DLG1: variants seen among roughly 807,000 people sequenced by gnomAD.
DLG1 encodes the protein discs large MAGUK scaffold protein 1.
A neutral mutation model predicts 123.4 loss-of-function variants in DLG1; 42 were observed. The observed-to-expected ratio is 0.34, with a 90% confidence interval of 0.27 to 0.44. The LOEUF (loss-of-function observed/expected upper bound fraction) is 0.44. Among genes scored for constraint, DLG1 ranks in the 20% least tolerant of loss-of-function variants. The probability of loss-of-function intolerance (pLI) is 1.00; values close to 1 mark genes in which losing one functional copy is unlikely to be tolerated. For synonymous variants in DLG1, 317 were observed against 356.2 expected, an observed-to-expected ratio of 0.89 and a Z score of 1.24; for missense variants, 942 against 1,082.6, an observed-to-expected ratio of 0.87 and a Z score of 1.82.
chr3:197,194,670 TACTC>T (rs1239233054), intron 4 of DLG1, 81 bp from the exon 5 acceptor site: 1 of 916,510 alleles, frequency 1.1e-6, no homozygotes, highest in Non-Finnish European at 1.6e-6. Context: ...ACTAGCCAAA[TACTC>T]AATATTTAGC....
chr3:197,099,228 G>C (rs1472455944), intron 14 of DLG1, among the ~76,000 whole-genome samples: 3 of 152,146 alleles, frequency 2.0e-5, no homozygotes, highest in Non-Finnish European at 4.4e-5. Flanking sequence ...ACTATGCCCA[G>C]CTCATTTTTA....
chr3:197,123,311 T>C (rs753470557), intron 11 of DLG1, among the ~76,000 whole-genome samples: 15 of 152,292 alleles, frequency 9.8e-5, no homozygotes, highest in South Asian at 6.2e-4. Context: ...AAAAGTACCA[T>C]TGTTTTGAGG....
chr3:197,101,602 A>G (rs1200173677), intron 14 of DLG1, among the ~76,000 whole-genome samples: 1 of 151,912 alleles, frequency 6.6e-6, no homozygotes, highest in African/African-American at 2.4e-5. Context: ...TGTTAGCCAG[A>G]ATGGTCTCTA....
At chr3:197,090,544 T>C (rs1757196015) in intron 15 of DLG1, among the ~76,000 whole-genome samples, 2 of 152,104 alleles carry the variant, frequency 1.3e-5, no homozygotes, top group Non-Finnish European at 2.9e-5. Flanking sequence ...GGTAATTAAA[T>C]GTTACTTGAA....
At chr3:197,163,010 G>A (rs1799437333) in intron 5 of DLG1, among the ~76,000 whole-genome samples, 1 of 152,124 alleles carries the variant, frequency 6.6e-6, no homozygotes, top group Non-Finnish European at 1.5e-5. Context: ...ACAACACAAA[G>A]AGAAACAACC....
At chr3:197,153,974 T>C (rs1033595917) in intron 5 of DLG1, among the ~76,000 whole-genome samples, 5 of 152,048 alleles carry the variant, frequency 3.3e-5, no homozygotes, top group African/African-American at 4.8e-5. Context: ...AAGTGGCTTA[T>C]TAAAAAAAAT....
intron 4 of DLG1, among the ~76,000 whole-genome samples, chr3:197,232,621 G>A (rs1278100666): frequency 6.6e-6 from 1 of 151,806 alleles, no homozygotes; most frequent in East Asian, 1.9e-4. Context: ...GAACTTGTTA[G>A]AAATGCATCC....
intron 4 of DLG1, among the ~76,000 whole-genome samples, chr3:197,206,614 CAA>C (rs1728650518): frequency 6.6e-6 from 1 of 151,994 alleles, no homozygotes; most frequent in South Asian, 2.1e-4. Flanking sequence ...TTCTATTCAC[CAA>C]AAAGTCAACC....
chr3:197,222,453 T>C (rs1004071044), intron 4 of DLG1, among the ~76,000 whole-genome samples: 1 of 152,224 alleles, frequency 6.6e-6, no homozygotes, highest in Admixed American at 6.5e-5. Flanking sequence ...ATTTATTATT[T>C]GCAAATATCT....
At chr3:197,297,991 G>C (rs1207049048) in intron 1 of DLG1, 3 of 928,970 alleles carry the variant, frequency 3.2e-6, no homozygotes, top group African/African-American at 3.6e-5. Flanking sequence ...CCTCCTTCTC[G>C]GCCGCGCCGC....
chr3:197,084,781 G>T (rs574160105), intron 16 of DLG1, among the ~76,000 whole-genome samples: 96 of 150,872 alleles, frequency 6.4e-4, no homozygotes, highest in Non-Finnish European at 1.3e-3. Context: ...TATATAGATA[G>T]ATATAGATAT....
chr3:197,166,617 C>T (rs923552769), intron 5 of DLG1, among the ~76,000 whole-genome samples: 7 of 152,118 alleles, frequency 4.6e-5, no homozygotes, highest in Non-Finnish European at 7.3e-5. Flanking sequence ...TGGCCGGGCA[C>T]GGAGGCTCAT....
intron 4 of DLG1, among the ~76,000 whole-genome samples, chr3:197,262,997 G>A (rs940010445): frequency 6.6e-6 from 1 of 151,832 alleles, no homozygotes; most frequent in Non-Finnish European, 1.5e-5. Context: ...ATTATCATTT[G>A]CTCCCAACAT....
At chr3:197,063,747 T>TTGAA (rs1737452300) in intron 22 of DLG1, among the ~76,000 whole-genome samples, 1 of 152,148 alleles carries the variant, frequency 6.6e-6, no homozygotes, top group Non-Finnish European at 1.5e-5. Flanking sequence ...AGAAGTGGGA[T>TTGAA]GCTGGGTTGA....
intron 5 of DLG1, among the ~76,000 whole-genome samples, chr3:197,180,511 C>G (rs540170978): frequency 1.3e-5 from 2 of 152,076 alleles, no homozygotes; most frequent in African/African-American, 4.8e-5. Flanking sequence ...AAGCCTCAAA[C>G]TGAAAAAGTT....
At chr3:197,131,704 C>T (rs981981990) in intron 10 of DLG1, among the ~76,000 whole-genome samples, 15 of 146,110 alleles carry the variant, frequency 1.0e-4, no homozygotes, top group Admixed American at 5.6e-4. Context: ...CGCCATTCTC[C>T]TGCCTCAGCC....
At chr3:197,225,327 T>C (rs930597266) in intron 4 of DLG1, among the ~76,000 whole-genome samples, 4 of 152,240 alleles carry the variant, frequency 2.6e-5, no homozygotes, top group Non-Finnish European at 4.4e-5. Flanking sequence ...TTTATTTATA[T>C]AGAACACATT....
intron 4 of DLG1, among the ~76,000 whole-genome samples, chr3:197,234,185 C>G (rs141885629): frequency 6.3e-4 from 96 of 152,260 alleles, no homozygotes; most frequent in African/African-American, 2.1e-3. Context: ...AGAAGATTCC[C>G]AGGTATTTAG....
chr3:197,067,809 G>C (rs761880084), intron 19 of DLG1, among the ~76,000 whole-genome samples: 1 of 152,014 alleles, frequency 6.6e-6, no homozygotes, highest in East Asian at 1.9e-4. Context: ...TGCCCGCCTC[G>C]GCCTCCCAAA....
Sources: gnomAD v4.1 joint callset for allele counts (sites outside exome capture counted in the v4.1 genomes callset) on GRCh38, gnomAD v4.1.1 for gene constraint, MANE v1.5 for transcripts, NCBI Gene and HGNC (gene_info 2026-07-23, HGNC 2026-07-21) for gene names.